Variants in APOLD1 observed in about 807,000 individuals in gnomAD.
APOLD1 encodes apolipoprotein L domain-containing protein 1.
Under a neutral mutation model 15.3 loss-of-function variants are expected in APOLD1, and 22 were observed. The observed-to-expected ratio is 1.44, with a 90% confidence interval of 1.03 to 2.05. The LOEUF (loss-of-function observed/expected upper bound fraction) is 2.05. APOLD1 is among the 30% of genes most tolerant of loss of function. The pLI, the probability that APOLD1 is intolerant of heterozygous loss-of-function variation, is 0.00. For missense variants in APOLD1, 394 were observed against 353.5 expected (o/e 1.11, Z -0.92); for synonymous variants, 190 against 167.4 (o/e 1.13, Z -1.04).
intron 1 of APOLD1, 64 bp from the exon 2 acceptor site, chr12:12,786,845 A>G (rs1947128818): frequency 7.4e-7 from 1 of 1,349,830 alleles, no homozygotes; most frequent in African/African-American, 1.5e-5. Flanking sequence ...GCGTCCGGGC[A>G]GCAGGGCGGG....
At chr12:12,776,674 C>G (rs1203156349) in intron 1 of APOLD1, among the ~76,000 whole-genome samples, 2 of 152,206 alleles carry the variant, frequency 1.3e-5, no homozygotes, top group Non-Finnish European at 2.9e-5. Flanking sequence ...TTAAAGAGTT[C>G]CCAGCATCAG....
chr12:12,787,637 A>C lies in APOLD1; in HGVS notation c.732A>C (p.Ala244=), dbSNP rs1356194370. 6.3e-7 allele frequency: 1 copy of C among 1,593,984 alleles called. No homozygotes were observed. The highest frequency in any genetic ancestry group is 8.5e-7 in the Non-Finnish European group (1 of 1,172,304). ...HDLKISADQR[A]GLFF ...TCAAGATCTCTGCTGACCAGCGTGC[A>C]GGGCTGTTTTTCTGAGAACATCCTT... Residue 244 remains alanine (A), a synonymous_variant, in exon 2 of 2, where the codon GCA becomes GCC. Transcript: ENST00000356591. This position sits in a 1 kb window ranked among gnomAD's most constrained non-coding sequence, Gnocchi z 4.9.
intron 1 of APOLD1, among the ~76,000 whole-genome samples, chr12:12,763,811 G>A (rs1339739085): frequency 2.0e-5 from 3 of 151,748 alleles, no homozygotes; most frequent in Non-Finnish European, 2.9e-5. Context: ...TATAATATGT[G>A]TTATATAAAT....
rs1285308610 is a variant in APOLD1, at chr12:12,787,088, G to T, written c.183G>T (p.Ser61=). Residue 61 remains serine (S), a synonymous_variant, in exon 2 of 2, where the codon TCG becomes TCT. Coordinates refer to ENST00000356591, the MANE Select transcript of APOLD1 (RefSeq NM_030817.3). The surrounding 1 kb of genome is among the most constrained non-coding windows in gnomAD (Gnocchi z 4.9). ...RSLVANVAGS[S]LSATGALAAI... Reference sequence around the variant, plus strand: ...TCGTAGCCAACGTGGCCGGCAGCTCGCTGAGCGCAACGGGCGCCCTCGCCG... The same window carrying T: ...TCGTAGCCAACGTGGCCGGCAGCTCTCTGAGCGCAACGGGCGCCCTCGCCG... 3 of 1,400,130 alleles carry T rather than the reference G, an allele frequency of 2.1e-6. No individual in the cohort carries two copies. The highest frequency in any genetic ancestry group is 3.2e-5 in the South Asian group (2 of 63,422). 86.7% of individuals were successfully genotyped at this position (1,400,130 alleles called of 1,614,324 possible).
intron 1 of APOLD1, among the ~76,000 whole-genome samples, chr12:12,751,253 C>G (rs1347410977): frequency 1.3e-5 from 2 of 152,124 alleles, no homozygotes; most frequent in Non-Finnish European, 2.9e-5. Flanking sequence ...TGTCAAGATG[C>G]TGTCTGGAGG....
At chr12:12,770,826 C>T (rs1322838143) in intron 1 of APOLD1, among the ~76,000 whole-genome samples, 1 of 146,430 alleles carries the variant, frequency 6.8e-6, no homozygotes, top group Non-Finnish European at 1.5e-5. Flanking sequence ...ATTTACACTA[C>T]AGAAAATTTA....
intron 1 of APOLD1, among the ~76,000 whole-genome samples, chr12:12,744,841 A>G (rs1452368459): frequency 2.6e-5 from 4 of 152,042 alleles, no homozygotes; most frequent in East Asian, 3.9e-4. Flanking sequence ...AACCTGTTTT[A>G]TGTAGAGTGT....
chr12:12,750,977 T>C (rs148769939), intron 1 of APOLD1, among the ~76,000 whole-genome samples: 1,808 of 151,248 alleles, frequency 0.012, 20 homozygotes, highest in Non-Finnish European at 0.017. Context: ...TTGGTAGAGA[T>C]GGGATTTCAC....
chr12:12,741,895 A>G (rs1946731313), intron 1 of APOLD1, among the ~76,000 whole-genome samples: 1 of 152,190 alleles, frequency 6.6e-6, no homozygotes. Context: ...GCTCAAATTC[A>G]GGCCTTGGGG....
At position 12,789,017 on chromosome 12, in the gene APOLD1, A is replaced by G. The variant is rs900557704; in HGVS notation, c.*1365A>G. On this transcript the variant is annotated 3_prime_UTR_variant, in exon 2 of 2. Coordinates refer to ENST00000356591, the MANE Select transcript of APOLD1 (RefSeq NM_030817.3). The stretch of plus-strand genomic sequence containing the variant: ...CCGCCTGTTGTAGAAACTGGTACAG[A>G]AAGGAATATGAAGTTCCTGAAACTG... 1.3e-4 allele frequency: 18 copies of G among 142,352 alleles called. No homozygotes were observed. The highest frequency in any genetic ancestry group is 4.4e-4 in the African/African-American group (18 of 41,040). 8.8% of individuals were successfully genotyped at this position (142,352 alleles called of 1,614,324 possible).
At chr12:12,770,497 G>GA (rs1295813565) in intron 1 of APOLD1, among the ~76,000 whole-genome samples, 2 of 144,914 alleles carry the variant, frequency 1.4e-5, no homozygotes, top group East Asian at 2.0e-4. Context: ...ACATGCTGAG[G>GA]AAAAAATCGC....
At chr12:12,750,749 C>T (rs1946807014) in intron 1 of APOLD1, among the ~76,000 whole-genome samples, 1 of 151,756 alleles carries the variant, frequency 6.6e-6, no homozygotes, top group African/African-American at 2.4e-5. Context: ...GGAGTTAAGC[C>T]TTGGATACAG....
At chr12:12,743,419 G>A (rs573999094) in intron 1 of APOLD1, among the ~76,000 whole-genome samples, 22 of 152,092 alleles carry the variant, frequency 1.4e-4, no homozygotes, top group South Asian at 4.2e-4. Context: ...TGAGGAGAGC[G>A]GTTTGGATTA....
chr12:12,742,671 A>T (rs1946737083), intron 1 of APOLD1, among the ~76,000 whole-genome samples: 1 of 151,916 alleles, frequency 6.6e-6, no homozygotes, highest in Admixed American at 6.6e-5. Flanking sequence ...AGGCTGAGGC[A>T]GAGAATTGCT....
intron 1 of APOLD1, among the ~76,000 whole-genome samples, chr12:12,739,072 G>A (rs1462988349): frequency 2.6e-5 from 4 of 152,162 alleles, no homozygotes; most frequent in Middle Eastern, 3.2e-3. Context: ...GCTCTGCAAG[G>A]GACAGATTTG....
intron 1 of APOLD1, among the ~76,000 whole-genome samples, chr12:12,773,011 C>G (rs1037490670): frequency 6.6e-6 from 1 of 151,646 alleles, no homozygotes; most frequent in Non-Finnish European, 1.5e-5. Context: ...CCCAGGAGTT[C>G]GAGGTTATAG....
intron 1 of APOLD1, among the ~76,000 whole-genome samples, chr12:12,765,202 G>C (rs145110454): frequency 1.1e-4 from 17 of 152,256 alleles, no homozygotes; most frequent in African/African-American, 3.6e-4. Context: ...AGAGGAACCA[G>C]AGAGGAAGGA....
intron 1 of APOLD1, among the ~76,000 whole-genome samples, chr12:12,739,353 A>C (rs769606178): frequency 6.6e-6 from 1 of 152,224 alleles, no homozygotes; most frequent in Non-Finnish European, 1.5e-5. Flanking sequence ...AAAAAGAAGC[A>C]GGCAAAAGCT....
intron 1 of APOLD1, among the ~76,000 whole-genome samples, chr12:12,737,981 C>A (rs376770287): frequency 1.3e-4 from 20 of 152,226 alleles, no homozygotes; most frequent in Admixed American, 3.9e-4. Context: ...ACCTTAAATA[C>A]CTTAATTCTG....
Sources: allele counts gnomAD v4.1 joint callset (sites outside exome capture counted in the v4.1 genomes callset), GRCh38; gene constraint gnomAD v4.1.1; non-coding constraint Gnocchi (gnomAD v3.1); transcripts MANE v1.5; gene names NCBI Gene and HGNC (gene_info 2026-07-23, HGNC 2026-07-21).